The following SLC16A3 variants were observed in gnomAD, a reference collection of about 807,000 sequenced individuals.
The protein encoded by SLC16A3 is solute carrier family 16 member 3.
SLC16A3 carries 22 observed loss-of-function variants against 25.0 expected under a neutral mutation model. The observed-to-expected ratio is 0.88, with a 90% CI of 0.63 to 1.26. The LOEUF (loss-of-function observed/expected upper bound fraction) is 1.26. Among genes scored for constraint, SLC16A3 ranks in the 50% most tolerant of loss-of-function variants. The pLI, the probability that SLC16A3 is intolerant of heterozygous loss-of-function variation, is 0.00. For synonymous variants in SLC16A3, 390 were observed against 309.2 expected (o/e 1.26, Z -2.74); for missense variants, 731 against 666.6 (o/e 1.10, Z -1.06).
chr17:82,223,439 C>T (rs1381939526), upstream of SLC16A3, among the ~76,000 whole-genome samples: 1 of 152,160 alleles, frequency 6.6e-6, no homozygotes, highest in African/African-American at 2.4e-5. Flanking sequence ...TCTGCCCACA[C>T]TGGCCTCTCA....
In SLC16A3 at chr17:82,236,766, C is replaced by T. The variant is rs1221845886; in HGVS notation, c.261C>T (p.Cys87=). Residue 87 remains cysteine (C), a synonymous_variant, in exon 3 of 5, where the codon TGC becomes TGT. Coordinates refer to ENST00000582743, the MANE Select transcript of SLC16A3 (RefSeq NM_004207.4). ...GTGTGTGCGTGAACCGCTTTGGCTG[C>T]CGGCCCGTCATGCTTGTGGGGGGTC... ...LCSVCVNRFG[C]RPVMLVGGLF... 6.2e-7 allele frequency: 1 copy of T among 1,608,606 alleles called. No individual in the cohort carries two copies. Among genetic ancestry groups the T allele is most frequent in the Non-Finnish European group, 8.5e-7 (1 of 1,179,834 alleles).
At chr17:82,237,925 A>T (rs778395576) in intron 4 of SLC16A3, 32 bp downstream of exon 4, 1 of 1,584,360 alleles carries the variant, frequency 6.3e-7, no homozygotes, top group Admixed American at 1.7e-5. Flanking sequence ...AGTTCCCCAC[A>T]CCTGCCCTTC....
intron 1 of SLC16A3, among the ~76,000 whole-genome samples, chr17:82,220,153 G>A (rs1274929698): frequency 6.6e-6 from 1 of 152,212 alleles, no homozygotes; most frequent in African/African-American, 2.4e-5. Flanking sequence ...GTCTCTGTTG[G>A]CCCAGTGTGG....
chr17:82,228,080 T>C (rs907506992), upstream of SLC16A3, among the ~76,000 whole-genome samples: 2 of 152,142 alleles, frequency 1.3e-5, no homozygotes, highest in Admixed American at 6.5e-5. Flanking sequence ...AGCCCCCGGG[T>C]CCGGGAGGGG....
upstream of SLC16A3, among the ~76,000 whole-genome samples, chr17:82,225,122 C>T (rs557138284): frequency 6.6e-5 from 10 of 152,244 alleles, no homozygotes; most frequent in East Asian, 9.6e-4. Flanking sequence ...ATTAGCTGGG[C>T]GTAGTGGCAG....
chr17:82,223,044 G>A (rs184529515), intron 1 of SLC16A3, among the ~76,000 whole-genome samples: 2 of 152,270 alleles, frequency 1.3e-5, no homozygotes, highest in African/African-American at 2.4e-5. Context: ...ATGAGTGCAC[G>A]GTGTTTTTAA....
rs762662971 is a variant in SLC16A3 at position 82,237,181 on chromosome 17, G to A, written c.411G>A (p.Leu137=). 10 of 1,526,602 alleles carry A rather than the reference G, an allele frequency of 6.6e-6. No individual in the cohort carries two copies. The Admixed American group carries it at 2.1e-4, about 33-fold the overall frequency. The allele number at this position is 1,526,602 out of a possible 1,614,324, so 94.6% of individuals were successfully genotyped here. A position where few individuals can be genotyped will look rare whatever the true frequency, so the allele number is the denominator to read the frequency against. Residue 137 remains leucine (L), a synonymous_variant, in exon 4 of 5, where the codon CTG becomes CTA. Coordinates refer to ENST00000582743, the MANE Select transcript of SLC16A3 (RefSeq NM_004207.4). ...ACTTCCAGCCCTCGCTCATCATGCTGAACCGCTACTTCAGCAAGCGGCGCC... is the reference window on the plus strand; with the variant it reads ...ACTTCCAGCCCTCGCTCATCATGCTAAACCGCTACTTCAGCAAGCGGCGCC... ...ALNFQPSLIM[L]NRYFSKRRPM... is the part of the protein sequence containing the mutation.
At chr17:82,226,700 G>A (rs2050424103), upstream of SLC16A3, among the ~76,000 whole-genome samples, 1 of 152,120 alleles carries the variant, frequency 6.6e-6, no homozygotes, top group Non-Finnish European at 1.5e-5. Flanking sequence ...GCCACCAACT[G>A]CTGGGCCTTT....
intron 1 of SLC16A3, among the ~76,000 whole-genome samples, chr17:82,232,739 C>A (rs948446111): frequency 6.6e-6 from 1 of 152,182 alleles, no homozygotes; most frequent in Admixed American, 6.5e-5. Context: ...CGCAGGGTCT[C>A]CTGCAAGGGA....
chr17:82,218,428 G>A (rs1457256052), intron 1 of SLC16A3, among the ~76,000 whole-genome samples: 28 of 149,402 alleles, frequency 1.9e-4, no homozygotes, highest in African/African-American at 5.4e-4. Context: ...ACTGCGGGGT[G>A]GACGGCCAAG....
Position 82,236,139 on chromosome 17 carries a change from T to C in SLC16A3, c.131T>C (p.Val44Ala). 5 of 1,613,302 alleles carry C rather than the reference T, an allele frequency of 3.1e-6. No individual in the cohort carries two copies. The highest frequency in any genetic ancestry group is 4.2e-6 in the Non-Finnish European group (5 of 1,179,978). Residue 44 changes from valine to alanine, a missense_variant, in exon 2 of 5, where the codon GTC (valine) becomes GCC (alanine). Transcript: ENST00000582743. ...TACGCCTTCCCCAAGGCCGTCAGTG[T>C]CTTCTTCAAGGAGCTCATACAGGAG... is the stretch of plus-strand genomic sequence containing the variant. ...FSYAFPKAVS[V>A]FFKELIQEFG...
In SLC16A3 at chr17:82,222,278, C is replaced by T. The variant is rs192874000; in HGVS notation, c.-27+4094C>T. On this transcript the variant is annotated intron_variant, in intron 1 of 4. Transcript: ENST00000580098. ...AGCGTCGCCCTGGGACCCCCAACTC[C>T]GCTCCCACGTTCGTGGAGACGAGTG... is the stretch of plus-strand genomic sequence containing the variant. Among the ~76,000 whole-genome samples the T allele has an allele frequency of 2.3e-3, 313 of 133,988 alleles. 6 individuals carry two copies. The highest frequency in any genetic ancestry group is 9.3e-3 in the African/African-American group (295 of 31,682). 87.9% of individuals were successfully genotyped at this position (133,988 alleles called of 152,430 possible). A position where few individuals can be genotyped will look rare whatever the true frequency, so the allele number is the denominator to read the frequency against.
At chr17:82,223,682 G>A (rs1012453495), upstream of SLC16A3, among the ~76,000 whole-genome samples, 10 of 151,904 alleles carry the variant, frequency 6.6e-5, no homozygotes, top group African/African-American at 2.2e-4. Flanking sequence ...GTGGCTAATT[G>A]TTTGTATTTT....
intron 1 of SLC16A3, among the ~76,000 whole-genome samples, chr17:82,223,027 T>C (rs990970794): frequency 6.6e-6 from 1 of 152,014 alleles, no homozygotes; most frequent in Non-Finnish European, 1.5e-5. Context: ...TGGGGAGCAA[T>C]TACTTAATGA....
At chr17:82,226,107 C>A (rs2147109431), upstream of SLC16A3, among the ~76,000 whole-genome samples, 1 of 152,044 alleles carries the variant, frequency 6.6e-6, no homozygotes, top group African/African-American at 2.4e-5. Context: ...GGGGGCCAGG[C>A]CCCTAGGAGG....
Position 82,239,517 on chromosome 17 carries a change from G to GCCTGTGT in SLC16A3, c.*546_*552dup, listed in dbSNP as rs2050708864. The stretch of plus-strand genomic sequence containing the variant: ...TAGGAGTATGTGGTTTTGCTGTGTG[G>GCCTGTGT]CCTGTGTCCTGACTCGCACGTCTGC... On this transcript the variant is annotated 3_prime_UTR_variant, in exon 5 of 5. Coordinates refer to ENST00000582743, the MANE Select transcript of SLC16A3 (RefSeq NM_004207.4). The GCCTGTGT allele has an allele frequency of 5.8e-6, 1 of 173,604 alleles. No individual in the cohort carries two copies. Among genetic ancestry groups the GCCTGTGT allele is most frequent in the African/African-American group, 2.4e-5 (1 of 42,338 alleles). The allele number at this position is 173,604 out of a possible 1,614,324, so 10.8% of individuals were successfully genotyped here.
intron 1 of SLC16A3, chr17:82,234,117 G>A (rs8075490): frequency 0.22 from 33,945 of 152,064 alleles, 4,751 homozygotes; most frequent in African/African-American, 0.4. Flanking sequence ...TGGGATTACA[G>A]GCGTGAGCCA....
upstream of SLC16A3, among the ~76,000 whole-genome samples, chr17:82,225,631 TCGGCTTTCTTCCCCTGACC>T (rs1350848719): frequency 6.6e-6 from 1 of 152,138 alleles, no homozygotes; most frequent in Non-Finnish European, 1.5e-5. Flanking sequence ...TCCCCGTGAC[TCGGCTTTCTTCCCCTGACC>T]CGGCCAGTCC....
chr17:82,227,203 G>C (rs1221460811), upstream of SLC16A3, among the ~76,000 whole-genome samples: 1 of 152,292 alleles, frequency 6.6e-6, no homozygotes, highest in East Asian at 1.9e-4. Context: ...TCCCAGCTGG[G>C]AGAAAACCTG....
Sources: gnomAD v4.1 joint callset for allele counts (sites outside exome capture counted in the v4.1 genomes callset) on GRCh38, gnomAD v4.1.1 for gene constraint, MANE v1.5 for transcripts, NCBI Gene and HGNC (gene_info 2026-07-23, HGNC 2026-07-21) for gene names.